ADK: variants seen among roughly 807,000 people sequenced by gnomAD.
ADK encodes adenosine kinase.
A neutral mutation model predicts 44.7 loss-of-function variants in ADK; 24 were observed. That is an observed-to-expected ratio of 0.54 (90% CI 0.39 to 0.76). ADK has a LOEUF of 0.76. Ranked by LOEUF, ADK falls within the 30% of genes least tolerant of loss-of-function variation. The pLI, the probability that ADK is intolerant of heterozygous loss-of-function variation, is 0.00. For synonymous variants in ADK, 128 were observed against 142.6 expected, an observed-to-expected ratio of 0.90 and a Z score of 0.73; for missense variants, 321 against 425.1, an observed-to-expected ratio of 0.76 and a Z score of 2.15.
chr10:74,185,536 T>G (rs2132098101), intron 1 of ADK, among the ~76,000 whole-genome samples: 1 of 146,024 alleles, frequency 6.8e-6, no homozygotes, highest in South Asian at 2.1e-4. Flanking sequence ...TTTTTTTTTT[T>G]GAAGCAGAGT....
intron 10 of ADK, among the ~76,000 whole-genome samples, chr10:74,702,752 T>TAACA (rs1163814654): frequency 2.6e-5 from 4 of 151,760 alleles, no homozygotes; most frequent in African/African-American, 9.7e-5. Context: ...GCAAGTGCCA[T>TAACA]AACACCTGGC....
chr10:74,644,712 G>T (rs1265893628), intron 9 of ADK, among the ~76,000 whole-genome samples: 4 of 151,972 alleles, frequency 2.6e-5, no homozygotes, highest in African/African-American at 4.8e-5. Flanking sequence ...TAATTTTTTT[G>T]TAGAGATGGG....
chr10:74,513,210 T>G (rs1259417304), intron 6 of ADK, among the ~76,000 whole-genome samples: 1 of 152,186 alleles, frequency 6.6e-6, no homozygotes, highest in African/African-American at 2.4e-5. Context: ...AATGGGCTGA[T>G]GAAAAGAATG....
At chr10:74,571,441 T>C (rs1850957896) in intron 7 of ADK, among the ~76,000 whole-genome samples, 1 of 152,264 alleles carries the variant, frequency 6.6e-6, no homozygotes, top group Non-Finnish European at 1.5e-5. Flanking sequence ...GTTGGTAAGC[T>C]ATTGATTATT....
intron 10 of ADK, among the ~76,000 whole-genome samples, chr10:74,707,317 T>A (rs763001806): frequency 1.8e-4 from 27 of 152,230 alleles, no homozygotes; most frequent in Non-Finnish European, 3.1e-4. Flanking sequence ...ATTATAGGCA[T>A]GAGCCACGAT....
intron 9 of ADK, among the ~76,000 whole-genome samples, chr10:74,623,789 C>T (rs1047226903): frequency 2.0e-5 from 3 of 151,630 alleles, no homozygotes; most frequent in African/African-American, 4.8e-5. Context: ...TGGTTTATAA[C>T]TCTAATCAAT....
intron 4 of ADK, among the ~76,000 whole-genome samples, chr10:74,326,562 G>C (rs1342425154): frequency 1.3e-5 from 2 of 152,062 alleles, no homozygotes; most frequent in Admixed American, 6.5e-5. Flanking sequence ...AGTGAACTAT[G>C]ATCATGCCAC....
intron 4 of ADK, among the ~76,000 whole-genome samples, chr10:74,322,207 A>T (rs1840835577): frequency 6.6e-6 from 1 of 152,192 alleles, no homozygotes. Context: ...TCCAGATGTA[A>T]ATTTAAAAAG....
intron 7 of ADK, among the ~76,000 whole-genome samples, chr10:74,569,906 G>A (rs1333746558): frequency 6.6e-6 from 1 of 152,064 alleles, no homozygotes; most frequent in African/African-American, 2.4e-5. Flanking sequence ...TATGGTTTTA[G>A]GTCTAACATT....
intron 3 of ADK, among the ~76,000 whole-genome samples, chr10:74,307,964 C>T (rs1002740195): frequency 6.6e-6 from 1 of 152,098 alleles, no homozygotes; most frequent in African/African-American, 2.4e-5. Context: ...ATGACTTTTT[C>T]TTTTTATGAT....
intron 9 of ADK, among the ~76,000 whole-genome samples, chr10:74,623,424 C>A (rs1853069883): frequency 6.6e-6 from 1 of 151,988 alleles, no homozygotes; most frequent in Admixed American, 6.6e-5. Context: ...CTTTATCCTA[C>A]TAAACTACAT....
intron 7 of ADK, among the ~76,000 whole-genome samples, chr10:74,544,239 C>G (rs1849746662): frequency 6.6e-6 from 1 of 152,196 alleles, no homozygotes; most frequent in East Asian, 1.9e-4. Flanking sequence ...GATTGGTGAT[C>G]ACTTTCTGAC....
At chr10:74,620,852 G>A (rs1308622414) in intron 9 of ADK, among the ~76,000 whole-genome samples, 1 of 151,918 alleles carries the variant, frequency 6.6e-6, no homozygotes, top group Non-Finnish European at 1.5e-5. Context: ...AGAAATGCCT[G>A]TTCAGGTCAT....
At chr10:74,458,716 C>T (rs59814061) in intron 6 of ADK, among the ~76,000 whole-genome samples, 1 of 151,966 alleles carries the variant, frequency 6.6e-6, no homozygotes, top group Non-Finnish European at 1.5e-5. Flanking sequence ...TCACAGCTCC[C>T]AAAACAAATA....
At chr10:74,481,318 T>G (rs932191986) in intron 6 of ADK, among the ~76,000 whole-genome samples, 3 of 152,186 alleles carry the variant, frequency 2.0e-5, no homozygotes, top group African/African-American at 7.2e-5. Context: ...GGAATGCCAT[T>G]TATATTATCT....
At chr10:74,393,100 T>G (rs1201754696) in intron 4 of ADK, among the ~76,000 whole-genome samples, 1 of 152,150 alleles carries the variant, frequency 6.6e-6, no homozygotes, top group Admixed American at 6.6e-5. Flanking sequence ...CTATGTCTCA[T>G]TCTTACAGTT....
chr10:74,184,793 A>T (rs1842688213), intron 1 of ADK, among the ~76,000 whole-genome samples: 1 of 152,158 alleles, frequency 6.6e-6, no homozygotes, highest in East Asian at 1.9e-4. Context: ...CATTACAATC[A>T]TTTTGTTGTA....
chr10:74,333,850 C>G (rs1271266345), intron 4 of ADK, among the ~76,000 whole-genome samples: 1 of 151,802 alleles, frequency 6.6e-6, no homozygotes, highest in Non-Finnish European at 1.5e-5. Context: ...TGAAAGTAGA[C>G]GTATGCAGAA....
intron 8 of ADK, among the ~76,000 whole-genome samples, chr10:74,592,881 A>C (rs1020486490): frequency 2.0e-5 from 3 of 152,226 alleles, no homozygotes; most frequent in Non-Finnish European, 4.4e-5. Context: ...GATCAAATGT[A>C]AAATTTTAAA....
Sources: allele counts gnomAD v4.1 joint callset (sites outside exome capture counted in the v4.1 genomes callset), GRCh38; gene constraint gnomAD v4.1.1; transcripts MANE v1.5; gene names NCBI Gene and HGNC (gene_info 2026-07-23, HGNC 2026-07-21).